Variants in GAN observed in about 807,000 individuals in gnomAD.
GAN encodes the protein epididymis secretory sperm binding protein.
GAN carries 48 observed loss-of-function variants against 71.3 expected under a neutral mutation model. The ratio of observed to expected loss-of-function variants is 0.67; its 90% CI spans 0.53 to 0.86. The LOEUF (loss-of-function observed/expected upper bound fraction) is 0.86, where lower values mean the gene tolerates loss of function less well. Ranked by LOEUF, GAN falls within the 40% of genes least tolerant of loss-of-function variation. The pLI is 0.00. For missense variants in GAN, 928 were observed against 770.1 expected (o/e 1.21, Z -2.43); for synonymous variants, 386 against 276.8 (o/e 1.39, Z -3.92).
chr16:81,368,447 A>G (rs1374919119), intron 9 of GAN, among the ~76,000 whole-genome samples: 2 of 152,148 alleles, frequency 1.3e-5, no homozygotes, highest in South Asian at 2.1e-4. Flanking sequence ...AATTTTGAAA[A>G]AATTCAAAAA....
intron 9 of GAN, among the ~76,000 whole-genome samples, chr16:81,369,601 C>G (rs1910970543): frequency 1.3e-5 from 2 of 151,936 alleles, no homozygotes; most frequent in South Asian, 4.2e-4. Flanking sequence ...AGATCTTTTG[C>G]TTTTTTTTGA....
Position 81,389,811 on chromosome 16 carries a change from C to T in GAN, c.*12215C>T, listed in dbSNP as rs1387512953. On this transcript the variant is annotated 3_prime_UTR_variant, in exon 11 of 11. Transcript: ENST00000648994. Reference sequence around the variant, plus strand: ...CCGGCGTGGCTCCTGTTGGCTCATGCCAGTGTTGTGCTGGACCCTCGAGTA... The same window carrying T: ...CCGGCGTGGCTCCTGTTGGCTCATGTCAGTGTTGTGCTGGACCCTCGAGTA... The T allele has an allele frequency of 6.6e-6, 1 of 152,194 alleles. No individual in the cohort carries two copies. The highest frequency in any genetic ancestry group is 1.5e-5 in the Non-Finnish European group (1 of 68,042). The allele number at this position is 152,194 out of a possible 1,614,324, so 9.4% of individuals were successfully genotyped here.
At chr16:81,339,940 A>C (rs16955083) in intron 1 of GAN, among the ~76,000 whole-genome samples, 1 of 152,186 alleles carries the variant, frequency 6.6e-6, no homozygotes, top group East Asian at 1.9e-4. Flanking sequence ...GGAGACTTCA[A>C]GTGTACAGCA....
intron 1 of GAN, among the ~76,000 whole-genome samples, chr16:81,346,840 C>G (rs1175240501): frequency 2.6e-5 from 4 of 152,166 alleles, no homozygotes; most frequent in Admixed American, 6.5e-5. Flanking sequence ...TTCACCAGAA[C>G]CAGCAAGCAA....
chr16:81,370,333 C>G (rs1265276047), intron 9 of GAN, among the ~76,000 whole-genome samples: 1 of 152,158 alleles, frequency 6.6e-6, no homozygotes, highest in Non-Finnish European at 1.5e-5. Context: ...GAACCCCACC[C>G]CCAACCACAT....
chr16:81,331,067 T>A (rs920253465), intron 1 of GAN, among the ~76,000 whole-genome samples: 3 of 152,146 alleles, frequency 2.0e-5, no homozygotes, highest in African/African-American at 7.2e-5. Flanking sequence ...TAGCCAGGCA[T>A]GGTGGCGCAC....
At chr16:81,348,401 C>A (rs1597398570) in intron 1 of GAN, among the ~76,000 whole-genome samples, 1 of 152,136 alleles carries the variant, frequency 6.6e-6, no homozygotes, top group African/African-American at 2.4e-5. Context: ...CTTTAAGTTA[C>A]CTTTTTTCTT....
chr16:81,318,691 C>T (rs975272038), intron 1 of GAN, among the ~76,000 whole-genome samples: 1 of 152,118 alleles, frequency 6.6e-6, no homozygotes, highest in African/African-American at 2.4e-5. Flanking sequence ...TTTGGTCTAG[C>T]CCTTGTTTTT....
intron 5 of GAN, among the ~76,000 whole-genome samples, chr16:81,362,280 G>A (rs2150690075): frequency 6.6e-6 from 1 of 152,276 alleles, no homozygotes; most frequent in African/African-American, 2.4e-5. Flanking sequence ...TAGGGTGGTG[G>A]AAATCCCCTC....
Position 81,370,160 on chromosome 16 carries a change from G to A in GAN, c.1502+4682G>A, listed in dbSNP as rs115557571. On this transcript the variant is annotated intron_variant, in intron 9 of 10. Transcript: ENST00000648994. ...AACTAATATATAATGGGCTAATGTC[G>A]GCTGTATATTAGTCCACAGAGATTT... Among the ~76,000 whole-genome samples the A allele has an allele frequency of 2.8e-3, 430 of 152,252 alleles. 4 individuals carry two copies. Among genetic ancestry groups the A allele is most frequent in the African/African-American group, 9.8e-3 (406 of 41,536 alleles).
intron 2 of GAN, among the ~76,000 whole-genome samples, chr16:81,351,987 C>G (rs1216735345): frequency 6.6e-6 from 1 of 152,122 alleles, no homozygotes; most frequent in Non-Finnish European, 1.5e-5. Context: ...GGATGCTGCC[C>G]TGACTGCTGT....
intron 3 of GAN, among the ~76,000 whole-genome samples, chr16:81,355,902 T>C (rs1421866990): frequency 6.6e-6 from 1 of 152,168 alleles, no homozygotes; most frequent in Non-Finnish European, 1.5e-5. Flanking sequence ...TTGGTTTTAA[T>C]TGGGACAGGT....
intron 1 of GAN, among the ~76,000 whole-genome samples, chr16:81,341,921 A>C (rs1909956225): frequency 6.6e-6 from 1 of 152,230 alleles, no homozygotes; most frequent in African/African-American, 2.4e-5. Flanking sequence ...TAGGCTCAAA[A>C]TAAAGGGATG....
At chr16:81,353,302 A>AC (rs1910366621) in intron 2 of GAN, among the ~76,000 whole-genome samples, 2 of 152,004 alleles carry the variant, frequency 1.3e-5, no homozygotes, top group South Asian at 2.1e-4. Context: ...AAAAAAAAAA[A>AC]AAAACGATAG....
intron 2 of GAN, among the ~76,000 whole-genome samples, chr16:81,354,037 C>T (rs1029188622): frequency 6.6e-6 from 1 of 152,110 alleles, no homozygotes; most frequent in African/African-American, 2.4e-5. Flanking sequence ...GGTACTTAAT[C>T]ATGTTGACTT....
rs1162572723 is a variant in GAN, at chr16:81,387,210, C to G, written c.*9614C>G. ...TGTAATGGCTAAATGTAAAGTCTTA[C>G]GTCTCGGTTCAAGAAAGCACGTTGC... On this transcript the variant is annotated 3_prime_UTR_variant, in exon 11 of 11. Coordinates refer to ENST00000648994, the MANE Select transcript of GAN (RefSeq NM_022041.4). 3.9e-5 allele frequency: 6 copies of G among 152,214 alleles called. No individual in the cohort carries two copies. Among genetic ancestry groups the G allele is most frequent in the Admixed American group, 1.3e-4 (2 of 15,290 alleles). The allele number at this position is 152,214 out of a possible 1,614,324, so 9.4% of individuals were successfully genotyped here.
In GAN at chr16:81,354,518, G is replaced by A. The variant is rs1272626161; in HGVS notation, c.396G>A (p.Glu132=). 6.2e-7 allele frequency: 1 copy of A among 1,614,002 alleles called. No individual in the cohort carries two copies. Among genetic ancestry groups the A allele is most frequent in the Non-Finnish European group, 8.5e-7 (1 of 1,179,884 alleles). Reference sequence around the variant, plus strand: ...TTTTGGAAGGCTGCATTGCTGCTGAGAACTGTATTGGTATCCGTGACTTTG... The same window carrying A: ...TTTTGGAAGGCTGCATTGCTGCTGAAAACTGTATTGGTATCCGTGACTTTG... The part of the protein sequence containing the change: ...CEFLEGCIAA[E]NCIGIRDFAL... The change falls in exon 3 of 11, where the codon GAG becomes GAA. Residue 132 remains glutamate, a synonymous_variant. Coordinates refer to ENST00000648994, the MANE Select transcript of GAN (RefSeq NM_022041.4).
rs1172119090 is a variant in GAN at position 81,385,131 on chromosome 16, C to G, written c.*7535C>G. On this transcript the variant is annotated 3_prime_UTR_variant, in exon 11 of 11. Transcript: ENST00000648994. ...GTATTAATAAGATTTAATTTTTATG[C>G]TTGTGCTTTTCAGAGTAAAGGGCTT... 6.6e-6 allele frequency: 1 copy of G among 152,578 alleles called. No individual in the cohort carries two copies. Among genetic ancestry groups the G allele is most frequent in the Non-Finnish European group, 1.5e-5 (1 of 68,114 alleles). 9.5% of individuals were successfully genotyped at this position (152,578 alleles called of 1,614,324 possible).
chr16:81,372,179 G>A (rs1911057094), intron 9 of GAN, among the ~76,000 whole-genome samples: 1 of 152,160 alleles, frequency 6.6e-6, no homozygotes, highest in African/African-American at 2.4e-5. Flanking sequence ...TTAATTCTGA[G>A]TTACCAGAGG....
Sources: allele counts gnomAD v4.1 joint callset (sites outside exome capture counted in the v4.1 genomes callset), GRCh38; gene constraint gnomAD v4.1.1; transcripts MANE v1.5; gene names NCBI Gene and HGNC (gene_info 2026-07-23, HGNC 2026-07-21).